CELF2: variants seen among roughly 807,000 people sequenced by gnomAD.
CELF2 encodes the protein CUGBP Elav-like family member 2.
CELF2 carries 8 observed loss-of-function variants against 62.6 expected under a neutral mutation model. The ratio of observed to expected loss-of-function variants is 0.13; its 90% CI spans 0.07 to 0.23. The LOEUF (loss-of-function observed/expected upper bound fraction) is 0.23, where lower values mean the gene tolerates loss of function less well. CELF2 is among the 10% of genes least tolerant of loss of function. CELF2 has a pLI of 1.00. For missense variants in CELF2, 333 were observed against 671.0 expected (o/e 0.50, Z 5.56); for synonymous variants, 258 against 250.0 (o/e 1.03, Z -0.30).
the CELF2 span, among the ~76,000 whole-genome samples, chr10:10,647,102 G>C: frequency 0.2 from 30,899 of 152,108 alleles, 3,307 homozygotes; most frequent in African/African-American, 0.24. Context: ...AGCATGATAA[G>C]CAGGGTCTAA....
chr10:11,321,381 A>AGG lies in CELF2; in HGVS notation c.1290_1291dup (p.Glu431GlyfsTer46). ...CAGCAGAGCGCTGCAGGCAGCCAGA[A>AGG]GGAAGGTAGGTGCCGCCCTTGGCCC... On this transcript the variant is annotated frameshift_variant, in exon 11 of 13. Coordinates refer to ENST00000633077, the MANE Select transcript of CELF2 (RefSeq NM_001326342.2). LOFTEE classifies it high-confidence loss of function. This position sits in a 1 kb window ranked among gnomAD's most constrained non-coding sequence, Gnocchi z 6.2. 1 of 1,604,484 alleles carries AGG rather than the reference A, an allele frequency of 6.2e-7. No individual in the cohort carries two copies. Among genetic ancestry groups the AGG allele is most frequent in the Non-Finnish European group, 8.5e-7 (1 of 1,179,728 alleles).
chr10:10,580,032 A>G, the CELF2 span, among the ~76,000 whole-genome samples: 2 of 152,208 alleles, frequency 1.3e-5, no homozygotes, highest in African/African-American at 2.4e-5. Context: ...AGATTACCAT[A>G]AATTATCTTC....
In CELF2 at chr10:11,190,528, A is replaced by G. The variant is rs149433492; in HGVS notation, c.271+24846A>G. On this transcript the variant is annotated intron_variant, in intron 2 of 12. Coordinates refer to ENST00000633077, the MANE Select transcript of CELF2 (RefSeq NM_001326342.2). The stretch of plus-strand genomic sequence containing the variant: ...CATTTGGCTGTCTTTGTATTCCCAC[A>G]ACCAAGCATGGTACGTGGTTCAAGA... 5.2e-3 allele frequency among the ~76,000 whole-genome samples: 794 copies of G among 152,112 alleles called. 8 individuals are homozygous for G. The highest frequency in any genetic ancestry group is 0.014 in the African/African-American group (599 of 41,452).
the CELF2 span, among the ~76,000 whole-genome samples, chr10:10,714,831 C>G: frequency 2.0e-5 from 3 of 152,000 alleles, no homozygotes; most frequent in Non-Finnish European, 2.9e-5. Flanking sequence ...CCTCTGTCTT[C>G]TCATCCCCAC....
At chr10:10,888,739 G>A (rs1455709212) in intron 1 of CELF2, among the ~76,000 whole-genome samples, 1 of 152,020 alleles carries the variant, frequency 6.6e-6, no homozygotes, top group African/African-American at 2.4e-5. Context: ...AGTAACCTCG[G>A]GCTTGCCCTT....
chr10:10,977,901 T>C (rs1298127331), intron 2 of CELF2, among the ~76,000 whole-genome samples: 6 of 152,188 alleles, frequency 3.9e-5, no homozygotes, highest in Non-Finnish European at 7.4e-5. Context: ...TTTTGAGGAA[T>C]AAACATAATA....
chr10:11,258,533 G>A (rs1022678327), intron 5 of CELF2, among the ~76,000 whole-genome samples: 7 of 152,174 alleles, frequency 4.6e-5, no homozygotes, highest in Non-Finnish European at 7.4e-5. Context: ...ATAAGCTGGT[G>A]TTTACAGAAT....
the CELF2 span, among the ~76,000 whole-genome samples, chr10:10,522,977 G>T: frequency 6.6e-6 from 1 of 152,188 alleles, no homozygotes; most frequent in Non-Finnish European, 1.5e-5. Flanking sequence ...AAACGGAAAA[G>T]GTGCTCAGAG....
rs1481612310 is a variant in CELF2 at position 11,321,578 on chromosome 10, T to C, written c.1294+192T>C. Among the ~76,000 whole-genome samples the C allele has an allele frequency of 6.6e-6, 1 of 151,564 alleles. No individual in the cohort carries two copies. Among genetic ancestry groups the C allele is most frequent in the African/African-American group, 2.4e-5 (1 of 41,240 alleles). ...GCATACACCTGTAGTCGCAGTTACT[T>C]GGCAGGTTGAGATGGGAGGATCGCT... On this transcript the variant is annotated intron_variant, in intron 11 of 12. Coordinates refer to ENST00000633077, the MANE Select transcript of CELF2 (RefSeq NM_001326342.2). The surrounding 1 kb of genome is among the most constrained non-coding windows in gnomAD (Gnocchi z 6.2).
chr10:10,717,286 C>T, the CELF2 span, among the ~76,000 whole-genome samples: 1 of 151,992 alleles, frequency 6.6e-6, no homozygotes, highest in African/African-American at 2.4e-5. Context: ...TTGTGCCCTG[C>T]CTTTGGAAAT....
At chr10:11,208,886 C>T (rs1006382806) in intron 2 of CELF2, among the ~76,000 whole-genome samples, 10 of 152,224 alleles carry the variant, frequency 6.6e-5, no homozygotes, top group South Asian at 4.1e-4. Context: ...CGACTCCCAA[C>T]GTTTGCTACT....
At position 10,922,445 on chromosome 10, in the gene CELF2, C is replaced by T. The variant is rs74433369; in HGVS notation, c.89+2446C>T. ...TTTGTAGAGCAGCTAAGAAGCAGAC[C>T]ACCTCTATGTTGTCAGAAGATACCC... On this transcript the variant is annotated intron_variant, in intron 2 of 13. Transcript: ENST00000636488. Among the ~76,000 whole-genome samples the T allele has an allele frequency of 3.1e-3, 478 of 152,230 alleles. 4 individuals are homozygous for T. The highest frequency in any genetic ancestry group is 0.011 in the African/African-American group (462 of 41,534).
At chr10:11,170,462 T>C (rs614099) in intron 2 of CELF2, among the ~76,000 whole-genome samples, 42,635 of 152,104 alleles carry the variant, frequency 0.28, 6,202 homozygotes, top group South Asian at 0.34. Context: ...CCGGTCACAC[T>C]TAGATCATGT....
intron 1 of CELF2, among the ~76,000 whole-genome samples, chr10:11,104,626 A>G (rs1253391022): frequency 6.6e-6 from 1 of 151,198 alleles, no homozygotes; most frequent in Non-Finnish European, 1.5e-5. Flanking sequence ...ATACTGCCCT[A>G]AGACGTGATT....
the CELF2 span, among the ~76,000 whole-genome samples, chr10:10,606,978 A>G: frequency 3.3e-5 from 5 of 152,222 alleles, no homozygotes; most frequent in East Asian, 9.6e-4. Flanking sequence ...CTAGAACTTA[A>G]CAATTCTATG....
chr10:11,301,956 C>T (rs2093800206), intron 9 of CELF2, among the ~76,000 whole-genome samples: 1 of 152,170 alleles, frequency 6.6e-6, no homozygotes, highest in Non-Finnish European at 1.5e-5. Context: ...AGGTCAGCCG[C>T]CTCCGCCTTC....
chr10:10,833,879 T>G (rs2058068823), intron 1 of CELF2, among the ~76,000 whole-genome samples: 1 of 152,230 alleles, frequency 6.6e-6, no homozygotes, highest in Non-Finnish European at 1.5e-5. Flanking sequence ...ATAAATTAGT[T>G]CAGTCACTGT....
rs573541176 is a variant in CELF2, at chr10:11,321,829, G to C, written c.1294+443G>C. On this transcript the variant is annotated intron_variant, in intron 11 of 12. Coordinates refer to ENST00000633077, the MANE Select transcript of CELF2 (RefSeq NM_001326342.2). This position sits in a 1 kb window ranked among gnomAD's most constrained non-coding sequence, Gnocchi z 6.2. ...TATATTTATATACCACTCTGGCTTT[G>C]TTGATAAATAAATGGTTTTAATTAT... Among the ~76,000 whole-genome samples, 1 of 152,276 alleles carries C rather than the reference G, an allele frequency of 6.6e-6. No homozygotes were observed. The highest frequency in any genetic ancestry group is 2.4e-5 in the African/African-American group (1 of 41,550).
At chr10:11,138,855 C>A (rs1018553934) in intron 1 of CELF2, among the ~76,000 whole-genome samples, 15 of 152,164 alleles carry the variant, frequency 9.9e-5, no homozygotes, top group Non-Finnish European at 2.1e-4. Context: ...CATAAATTAT[C>A]AAGTGTAAGT....
Sources: gnomAD v4.1 joint callset for allele counts (sites outside exome capture counted in the v4.1 genomes callset) on GRCh38, gnomAD v4.1.1 for gene constraint, Gnocchi (gnomAD v3.1) non-coding constraint, MANE v1.5 for transcripts, NCBI Gene and HGNC (gene_info 2026-07-23, HGNC 2026-07-21) for gene names.